The following SLCO2A1 variants were observed in gnomAD, a reference collection of about 807,000 sequenced individuals.
SLCO2A1 encodes the protein matrin F/G 1.
Under a neutral mutation model 71.7 loss-of-function variants are expected in SLCO2A1, and 60 were observed. The observed-to-expected ratio is 0.84, with a 90% CI of 0.68 to 1.04. SLCO2A1 has a LOEUF of 1.04. Among genes scored for constraint, SLCO2A1 ranks in the 50% least tolerant of loss-of-function variants. The probability of loss-of-function intolerance (pLI) is 0.00; values close to 1 mark genes in which losing one functional copy is unlikely to be tolerated. For missense variants in SLCO2A1, 745 were observed against 813.4 expected, an observed-to-expected ratio of 0.92 and a Z score of 1.02; for synonymous variants, 308 against 326.7, an observed-to-expected ratio of 0.94 and a Z score of 0.62.
chr3:133,990,312 T>A (rs1281434573), intron 1 of SLCO2A1, among the ~76,000 whole-genome samples: 1 of 152,232 alleles, frequency 6.6e-6, no homozygotes, highest in Non-Finnish European at 1.5e-5. Context: ...TCCTTTTTCT[T>A]CATTAGTTTC....
intron 1 of SLCO2A1, among the ~76,000 whole-genome samples, chr3:133,985,787 A>G (rs1934700559): frequency 6.6e-6 from 1 of 152,214 alleles, no homozygotes; most frequent in Admixed American, 6.5e-5. Context: ...ACTCTAACTG[A>G]TAAGTCCAAG....
At chr3:134,026,209 A>G (rs1316086020) in intron 1 of SLCO2A1, among the ~76,000 whole-genome samples, 1 of 152,142 alleles carries the variant, frequency 6.6e-6, no homozygotes, top group African/African-American at 2.4e-5. Flanking sequence ...TAGGACAGAA[A>G]CTTATAATGG....
chr3:133,996,867 G>A (rs1031218691), intron 1 of SLCO2A1, among the ~76,000 whole-genome samples: 10 of 152,162 alleles, frequency 6.6e-5, no homozygotes, highest in African/African-American at 1.2e-4. Flanking sequence ...GTGGTCACTC[G>A]TCCCAGTTTT....
At chr3:134,002,668 A>G (rs1374602259) in intron 1 of SLCO2A1, among the ~76,000 whole-genome samples, 1 of 152,136 alleles carries the variant, frequency 6.6e-6, no homozygotes, top group African/African-American at 2.4e-5. Context: ...CCCCACCTCC[A>G]GTTTTTCATT....
At chr3:133,942,961 G>A (rs902743112) in intron 10 of SLCO2A1, among the ~76,000 whole-genome samples, 193 bp from the exon 11 acceptor site, 11 of 152,180 alleles carry the variant, frequency 7.2e-5, no homozygotes, top group African/African-American at 2.4e-4. Flanking sequence ...TCCCACCTCT[G>A]TCACTGTTTG....
intron 1 of SLCO2A1, among the ~76,000 whole-genome samples, chr3:133,994,871 G>T (rs1934931097): frequency 1.3e-5 from 2 of 152,004 alleles, no homozygotes; most frequent in African/African-American, 4.8e-5. Flanking sequence ...CCACCTGCTT[G>T]GCCACCTCCA....
chr3:133,942,321 C>T (rs1933445312), intron 11 of SLCO2A1: 2 of 297,952 alleles, frequency 6.7e-6, no homozygotes, highest in Non-Finnish European at 1.2e-5. Flanking sequence ...CTCCAATGTG[C>T]AGAGTGGAGG....
In SLCO2A1 at chr3:133,948,594, G is replaced by A. The variant is rs759295643; in HGVS notation, c.1047C>T (p.Leu349=). 4 of 1,614,164 alleles carry A rather than the reference G, an allele frequency of 2.5e-6. No homozygotes were observed. The highest frequency in any genetic ancestry group is 1.7e-4 in the Middle Eastern group (1 of 6,060). ...SSVIAGLSTF[L]NKFLEKQYGT... ...CATACTGCTTCTCCAGGAACTTGTT[G>A]AGGAAGGTGGAGAGGCCAGCAATGA... The change falls in exon 8 of 14, where the codon CTC becomes CTT. Residue 349 remains leucine (L), a synonymous_variant. Coordinates refer to ENST00000310926, the MANE Select transcript of SLCO2A1 (RefSeq NM_005630.3).
chr3:133,999,994 C>T (rs1935068291), intron 1 of SLCO2A1, among the ~76,000 whole-genome samples: 1 of 152,080 alleles, frequency 6.6e-6, no homozygotes, highest in South Asian at 2.1e-4. Flanking sequence ...TGGGACAAGG[C>T]AAAAACAAAA....
intron 1 of SLCO2A1, among the ~76,000 whole-genome samples, chr3:134,009,925 G>A (rs978471271): frequency 2.6e-5 from 4 of 152,336 alleles, no homozygotes; most frequent in African/African-American, 9.6e-5. Flanking sequence ...CAATTCCCAT[G>A]GGCTGCCTCC....
chr3:134,002,484 T>C (rs1935126441), intron 1 of SLCO2A1, among the ~76,000 whole-genome samples: 1 of 152,180 alleles, frequency 6.6e-6, no homozygotes, highest in Non-Finnish European at 1.5e-5. Context: ...TGAATATCCA[T>C]TACTTCCCAC....
intron 1 of SLCO2A1, among the ~76,000 whole-genome samples, chr3:134,029,243 C>T (rs1413854578): frequency 3.9e-5 from 6 of 152,140 alleles, no homozygotes; most frequent in Non-Finnish European, 5.9e-5. Flanking sequence ...CGAGGGGGCT[C>T]GGACGAGACA....
At chr3:133,984,303 C>T (rs1011235077) in intron 1 of SLCO2A1, among the ~76,000 whole-genome samples, 1 of 152,148 alleles carries the variant, frequency 6.6e-6, no homozygotes, top group Non-Finnish European at 1.5e-5. Context: ...TTTCCACATC[C>T]CCCACCCCTT....
At chr3:133,986,416 C>T (rs573365061) in intron 1 of SLCO2A1, among the ~76,000 whole-genome samples, 155 of 152,208 alleles carry the variant, frequency 1.0e-3, no homozygotes, top group African/African-American at 3.6e-3. Context: ...AAGGGCTGTG[C>T]GTGTGTGTTA....
At chr3:133,979,716 C>A (rs371783025) in intron 1 of SLCO2A1, 98 bp from the exon 2 acceptor site, 1 of 1,352,478 alleles carries the variant, frequency 7.4e-7, no homozygotes, top group African/African-American at 1.5e-5. Context: ...ACCTCTGTTT[C>A]CTCGCCTGTT....
intron 1 of SLCO2A1, among the ~76,000 whole-genome samples, chr3:134,007,945 T>C (rs370853871): frequency 1.3e-5 from 2 of 152,362 alleles, no homozygotes; most frequent in South Asian, 2.1e-4. Flanking sequence ...TCTCTGGTGC[T>C]GTTCTATTTT....
intron 1 of SLCO2A1, among the ~76,000 whole-genome samples, chr3:134,024,862 C>T (rs1935666326): frequency 6.6e-6 from 1 of 152,072 alleles, no homozygotes; most frequent in Non-Finnish European, 1.5e-5. Context: ...TTTGCAACAC[C>T]CTAAACCCCA....
chr3:133,942,202 C>T (rs113478497), intron 11 of SLCO2A1: 1 of 154,894 alleles, frequency 6.5e-6, no homozygotes, highest in Non-Finnish European at 1.4e-5. Flanking sequence ...CCATGTTGGC[C>T]AGGCTGGTCT....
At chr3:134,021,137 G>C (rs1935567220) in intron 1 of SLCO2A1, among the ~76,000 whole-genome samples, 1 of 152,188 alleles carries the variant, frequency 6.6e-6, no homozygotes, top group Admixed American at 6.5e-5. Flanking sequence ...TTTTGCTTTG[G>C]TGCAAACTGC....
Sources: allele counts gnomAD v4.1 joint callset (sites outside exome capture counted in the v4.1 genomes callset), GRCh38; gene constraint gnomAD v4.1.1; transcripts MANE v1.5; gene names NCBI Gene and HGNC (gene_info 2026-07-23, HGNC 2026-07-21).